The following SEMA6B variants were observed in gnomAD, a reference collection of about 807,000 sequenced individuals.
The protein encoded by SEMA6B is semaphorin 6B, also known as semaphorin-6B.
In SEMA6B, 47 loss-of-function variants were observed where a neutral mutation model predicts 78.6. The ratio of observed to expected loss-of-function variants is 0.60; its 90% CI spans 0.47 to 0.76. The LOEUF (loss-of-function observed/expected upper bound fraction) is 0.76. Ranked by LOEUF, SEMA6B falls within the 30% of genes least tolerant of loss-of-function variation. The pLI is 0.00. For synonymous variants in SEMA6B, 632 were observed against 592.2 expected (o/e 1.07, Z -0.98); for missense variants, 1,213 against 1,269.9 (o/e 0.96, Z 0.68).
rs777552688 is a variant in SEMA6B, at chr19:4,546,294, C to T, written c.1680-20G>A. On this transcript the variant is annotated intron_variant, in intron 15 of 16. Transcript: ENST00000586582. ...GCGGCTCTAATGGGGAGAGGAGGCA[C>T]CGTCAGCAGAGGCCCCTCTCACAGT... 25 of 1,612,550 alleles carry T rather than the reference C, an allele frequency of 1.6e-5. No individual in the cohort carries two copies. Among genetic ancestry groups the T allele is most frequent in the Non-Finnish European group, 2.0e-5 (24 of 1,179,410 alleles).
At position 4,548,253 on chromosome 19, in the gene SEMA6B, C is replaced by G. The variant is rs1318603075; in HGVS notation, c.1454+10G>C. 6.2e-7 allele frequency: 1 copy of G among 1,600,612 alleles called. No individual in the cohort carries two copies. The highest frequency in any genetic ancestry group is 8.6e-7 in the Non-Finnish European group (1 of 1,169,012). Reference sequence around the variant, plus strand: ...GCTGGCGACCCCTTCCCACCTTTGCCCAGACTTACCTGTCCGGCCGGTAGG... The same window carrying G: ...GCTGGCGACCCCTTCCCACCTTTGCGCAGACTTACCTGTCCGGCCGGTAGG... On this transcript the variant is annotated intron_variant, in intron 13 of 16. Coordinates refer to ENST00000586582, the MANE Select transcript of SEMA6B (RefSeq NM_032108.4).
In SEMA6B at chr19:4,548,030, A is replaced by G. The variant is rs1051682317; in HGVS notation, c.1598T>C (p.Met533Thr). The change falls in exon 14 of 17, where the codon ATG becomes ACG. Residue 533 changes from methionine to threonine, a missense_variant. By Grantham distance (81) the Met-to-Thr change is moderately conservative. Coordinates refer to ENST00000586582, the MANE Select transcript of SEMA6B (RefSeq NM_032108.4). ...VARCQQYSGC[M>T]KNCIGSQDPY... ...CTGGCCTGGGGTGGACACTCACTTC[A>G]TACACCCCGAGTACTGCTGGCAGCG... 6.4e-7 allele frequency: 1 copy of G among 1,552,226 alleles called. No homozygotes were observed. Among genetic ancestry groups the G allele is most frequent in the Admixed American group, 1.8e-5 (1 of 56,108 alleles).
intron 16 of SEMA6B, among the ~76,000 whole-genome samples, chr19:4,545,059 C>G (rs1216641940): frequency 6.6e-6 from 1 of 151,970 alleles, no homozygotes; most frequent in East Asian, 1.9e-4. Context: ...AAGACAGGAT[C>G]TGGGCCAGGC....
At position 4,544,546 on chromosome 19, in the gene SEMA6B, G is replaced by A; in HGVS notation, c.1739-17C>T. On this transcript the variant is annotated splice_polypyrimidine_tract_variant and intron_variant, in intron 16 of 16. Coordinates refer to ENST00000586582, the MANE Select transcript of SEMA6B (RefSeq NM_032108.4). This position sits in a 1 kb window ranked among gnomAD's most constrained non-coding sequence, Gnocchi z 5.1. ...GCAGGAGTCCTGGCCGGGGAGCACAGGGGGGTTAGTGGGGCCGGCGGGGTG... is the reference window on the plus strand; with the variant it reads ...GCAGGAGTCCTGGCCGGGGAGCACAAGGGGGTTAGTGGGGCCGGCGGGGTG... 5.4e-6 allele frequency: 8 copies of A among 1,469,872 alleles called. No homozygotes were observed. The highest frequency in any genetic ancestry group is 6.3e-6 in the Non-Finnish European group (7 of 1,103,496). 91.1% of individuals were successfully genotyped at this position (1,469,872 alleles called of 1,614,324 possible).
rs912100081 is a variant in SEMA6B, at chr19:4,543,310, C to A, written c.*291G>T. ...TTGGTTAGAAAACCGCAAAAGAAACCAAAACTGCAAAAAAAACCAAAACCT... is the reference window on the plus strand; with the variant it reads ...TTGGTTAGAAAACCGCAAAAGAAACAAAAACTGCAAAAAAAACCAAAACCT... On this transcript the variant is annotated 3_prime_UTR_variant, in exon 17 of 17. Coordinates refer to ENST00000586582, the MANE Select transcript of SEMA6B (RefSeq NM_032108.4). The A allele has an allele frequency of 2.4e-5, 11 of 460,342 alleles. No individual in the cohort carries two copies. The highest frequency in any genetic ancestry group is 4.2e-5 in the Non-Finnish European group (11 of 261,376). 28.5% of individuals were successfully genotyped at this position (460,342 alleles called of 1,614,324 possible). A position where few individuals can be genotyped will look rare whatever the true frequency, so the allele number is the denominator to read the frequency against.
chr19:4,551,783 C>T (rs377224804), intron 10 of SEMA6B, among the ~76,000 whole-genome samples: 5 of 151,498 alleles, frequency 3.3e-5, no homozygotes, highest in East Asian at 2.0e-4. Flanking sequence ...GAGCCGAGAT[C>T]GCGCCACTGC....
chr19:4,558,267 G>A lies in SEMA6B; in HGVS notation c.121+70C>T. The stretch of plus-strand genomic sequence containing the variant: ...CTGCTTGAGTCCCCCAGTGGGGGCA[G>A]CAGACCCAACTGGGAACCCAGATAC... On this transcript the variant is annotated intron_variant, in intron 2 of 16. Coordinates refer to ENST00000586582, the MANE Select transcript of SEMA6B (RefSeq NM_032108.4). This position sits in a 1 kb window ranked among gnomAD's most constrained non-coding sequence, Gnocchi z 5.1. The A allele has an allele frequency of 7.7e-7, 1 of 1,304,398 alleles. No homozygotes were observed. Among genetic ancestry groups the A allele is most frequent in the Non-Finnish European group, 9.8e-7 (1 of 1,016,108 alleles). 80.8% of individuals were successfully genotyped at this position (1,304,398 alleles called of 1,614,324 possible).
chr19:4,553,082 C>A (rs970767133), intron 9 of SEMA6B, among the ~76,000 whole-genome samples: 5 of 152,024 alleles, frequency 3.3e-5, no homozygotes, highest in Admixed American at 3.3e-4. Flanking sequence ...AGTAGATGGA[C>A]GGACGATTAC....
Position 4,550,422 on chromosome 19 carries a change from TGGAG to T in SEMA6B, c.1122-154_1122-151del, listed in dbSNP as rs1977295943. On this transcript the variant is annotated intron_variant, in intron 11 of 16. Coordinates refer to ENST00000586582, the MANE Select transcript of SEMA6B (RefSeq NM_032108.4). This position sits in a 1 kb window ranked among gnomAD's most constrained non-coding sequence, Gnocchi z 6.6. ...CAGAGTCTCAATCTGTCGCCCAGGC[TGGAG>T]TGCTTTGGCTCACTGCAACCTCCAC... 2 of 840,708 alleles carry T rather than the reference TGGAG, an allele frequency of 2.4e-6. No homozygotes were observed. Among genetic ancestry groups the T allele is most frequent in the Non-Finnish European group, 3.7e-6 (2 of 547,070 alleles). 52.1% of individuals were successfully genotyped at this position (840,708 alleles called of 1,614,324 possible).
intron 10 of SEMA6B, among the ~76,000 whole-genome samples, chr19:4,551,805 G>A (rs188095401): frequency 1.3e-5 from 2 of 150,016 alleles, no homozygotes. Flanking sequence ...CTCCAGCCTG[G>A]GCAACAAGAG....
At position 4,544,240 on chromosome 19, in the gene SEMA6B, G is replaced by A. The variant is rs1977103328; in HGVS notation, c.2028C>T (p.Pro676=). 1.1e-5 allele frequency: 14 copies of A among 1,277,524 alleles called. No individual in the cohort carries two copies. In the South Asian group the frequency reaches 3.0e-4, roughly 28 times the overall value. 79.1% of individuals were successfully genotyped at this position (1,277,524 alleles called of 1,614,324 possible). Residue 676 remains proline (P), a synonymous_variant, in exon 17 of 17, where the codon CCC becomes CCT. Transcript: ENST00000586582. The surrounding 1 kb of genome is among the most constrained non-coding windows in gnomAD (Gnocchi z 5.1). ...TCAGGGGCGCCAGCAGGGCCTCCGGGGGAACCCCGGCGCCACCGCCACCGC... is the reference window on the plus strand; with the variant it reads ...TCAGGGGCGCCAGCAGGGCCTCCGGAGGAACCCCGGCGCCACCGCCACCGC... The part of the protein sequence containing the change: ...GGGGGGGAGV[P]PEALLAPLMQ...
chr19:4,548,342 C>T lies in SEMA6B; in HGVS notation c.1375G>A (p.Val459Ile), dbSNP rs781296690. ...SEAGTVLKFL[V>I]RPNASTSGTS... ...CCTGAGGTGCTGGCATTGGGCCGGA[C>T]GAGGAACTTGAGGACCGTCCCCGCC... Residue 459 changes from valine (V) to isoleucine (I), a missense_variant, in exon 13 of 17, where the codon GTC (valine) becomes ATC (isoleucine). Physicochemically the swap from Val to Ile is conservative, Grantham distance 29. Transcript: ENST00000586582. The T allele has an allele frequency of 5.6e-5, 90 of 1,613,758 alleles. No individual in the cohort carries two copies. Among genetic ancestry groups the T allele is most frequent in the Admixed American group, 8.3e-5 (5 of 59,992 alleles).
At position 4,543,953 on chromosome 19, in the gene SEMA6B, C is replaced by A. The variant is rs1203374365; in HGVS notation, c.2315G>T (p.Gly772Val). Residue 772 changes from glycine (G) to valine (V), a missense_variant, in exon 17 of 17, where the codon GGC becomes GTC. Coordinates refer to ENST00000586582, the MANE Select transcript of SEMA6B (RefSeq NM_032108.4). ...GCCGGGCCGGGCAGCATAGAGGCGG[C>A]CGTCGGGGGTCGGCTCCCCAGGCGC... ...PPAPGEPTPD[G>V]RLYAARPGRA... is the part of the protein sequence containing the mutation. The A allele has an allele frequency of 2.5e-6, 3 of 1,202,008 alleles. No individual in the cohort carries two copies. Among genetic ancestry groups the A allele is most frequent in the East Asian group, 7.0e-5 (2 of 28,666 alleles). 74.5% of individuals were successfully genotyped at this position (1,202,008 alleles called of 1,614,324 possible).
At position 4,550,715 on chromosome 19, in the gene SEMA6B, A is replaced by T; in HGVS notation, c.1121+84T>A. 1 of 1,531,486 alleles carries T rather than the reference A, an allele frequency of 6.5e-7. No individual in the cohort carries two copies. The highest frequency in any genetic ancestry group is 8.9e-7 in the Non-Finnish European group (1 of 1,123,946). The allele number at this position is 1,531,486 out of a possible 1,614,324, so 94.9% of individuals were successfully genotyped here. ...TACAGCTGAACTCAGCATCAGCTAA[A>T]TAACCACCCGGAAGCCCCAGCCCTC... On this transcript the variant is annotated intron_variant, in intron 11 of 16. Coordinates refer to ENST00000586582, the MANE Select transcript of SEMA6B (RefSeq NM_032108.4). This position sits in a 1 kb window ranked among gnomAD's most constrained non-coding sequence, Gnocchi z 6.6.
chr19:4,546,155 C>A, intron 16 of SEMA6B, 61 bp downstream of exon 16: 1 of 1,491,066 alleles, frequency 6.7e-7, no homozygotes, highest in East Asian at 2.3e-5. Flanking sequence ...CCAGCCTCCT[C>A]CCTCCCCTCC....
rs768088996 is a variant in SEMA6B at position 4,558,364 on chromosome 19, G to A, written c.94C>T (p.Pro32Ser). 7.7e-7 allele frequency: 1 copy of A among 1,297,414 alleles called. No homozygotes were observed. The allele number at this position is 1,297,414 out of a possible 1,614,324, so 80.4% of individuals were successfully genotyped here. ...TCCCTGGGGGCCACGCTAAGCGGCG[G>A]CGGCTCCTCAGGAAAGAGGCCGTGG... ...GAHGLFPEEP[P>S]PLSVAPRDYL... Residue 32 changes from proline (P) to serine (S), a missense_variant, in exon 2 of 17, where the codon CCG (proline) becomes TCG (serine). By Grantham distance (74) the Pro-to-Ser change is moderately conservative (BLOSUM62 -1). Transcript: ENST00000586582. The surrounding 1 kb of genome is among the most constrained non-coding windows in gnomAD (Gnocchi z 5.1).
Position 4,544,774 on chromosome 19 carries a change from C to T in SEMA6B, c.1739-245G>A, listed in dbSNP as rs1256076470. Among the ~76,000 whole-genome samples the T allele has an allele frequency of 1.3e-5, 2 of 151,496 alleles. No homozygotes were observed. The highest frequency in any genetic ancestry group is 2.4e-5 in the African/African-American group (1 of 41,210). On this transcript the variant is annotated intron_variant, in intron 16 of 16. Coordinates refer to ENST00000586582, the MANE Select transcript of SEMA6B (RefSeq NM_032108.4). This position sits in a 1 kb window ranked among gnomAD's most constrained non-coding sequence, Gnocchi z 5.1. ...CCTCAGCCTCCCGAGTAGCTGGGACCACAGGTGCCCACCACCACGCCCGGC... is the reference window on the plus strand; with the variant it reads ...CCTCAGCCTCCCGAGTAGCTGGGACTACAGGTGCCCACCACCACGCCCGGC...
Position 4,556,000 on chromosome 19 carries a change from G to A in SEMA6B, c.459C>T (p.Cys153=), listed in dbSNP as rs757267658. The A allele has an allele frequency of 6.2e-7, 1 of 1,613,552 alleles. No individual in the cohort carries two copies. The highest frequency in any genetic ancestry group is 8.5e-7 in the Non-Finnish European group (1 of 1,179,482). The part of the protein sequence containing the change: ...VCGSNAFNPV[C]ANYSIDTLQP... ...TCTGAAGACTCACGCTGTAGTTGGCGCACACCGGGTTGAAGGCGTTGGAAC... is the reference window on the plus strand; with the variant it reads ...TCTGAAGACTCACGCTGTAGTTGGCACACACCGGGTTGAAGGCGTTGGAAC... Residue 153 remains cysteine (C), a synonymous_variant, in exon 6 of 17, where the codon TGC becomes TGT. Coordinates refer to ENST00000586582, the MANE Select transcript of SEMA6B (RefSeq NM_032108.4). This position sits in a 1 kb window ranked among gnomAD's most constrained non-coding sequence, Gnocchi z 6.1.
Position 4,546,378 on chromosome 19 carries a change from C to T in SEMA6B, c.1679+14G>A, listed in dbSNP as rs1420249068. Reference sequence around the variant, plus strand: ...TCTGACACACCCTCCACCCACCTCCCTCTCCCGCAGTACCTGGTGCCCGGG... The same window carrying T: ...TCTGACACACCCTCCACCCACCTCCTTCTCCCGCAGTACCTGGTGCCCGGG... On this transcript the variant is annotated intron_variant, in intron 15 of 16. Transcript: ENST00000586582. 8 of 1,584,406 alleles carry T rather than the reference C, an allele frequency of 5.0e-6. No homozygotes were observed. Among genetic ancestry groups the T allele is most frequent in the Non-Finnish European group, 6.9e-6 (8 of 1,164,792 alleles).
Sources: allele counts gnomAD v4.1 joint callset (sites outside exome capture counted in the v4.1 genomes callset), GRCh38; gene constraint gnomAD v4.1.1; non-coding constraint Gnocchi (gnomAD v3.1); transcripts MANE v1.5; gene names NCBI Gene and HGNC (gene_info 2026-07-23, HGNC 2026-07-21).